Variants in IQCM observed in about 807,000 individuals in gnomAD.
IQCM encodes IQ motif containing M.
Under a neutral mutation model 57.6 loss-of-function variants are expected in IQCM, and 45 were observed. That is an observed-to-expected ratio of 0.78 (90% CI 0.62 to 1.00). The LOEUF is 1.00. Ranked by LOEUF, IQCM falls within the 50% of genes least tolerant of loss-of-function variation. IQCM has a pLI of 0.00. For synonymous variants in IQCM, 148 were observed against 158.9 expected, an observed-to-expected ratio of 0.93 and a Z score of 0.51; for missense variants, 468 against 511.6, an observed-to-expected ratio of 0.91 and a Z score of 0.82.
chr4:149,490,088 G>A (rs995046122), intron 12 of IQCM, among the ~76,000 whole-genome samples: 1 of 151,880 alleles, frequency 6.6e-6, no homozygotes, highest in African/African-American at 2.4e-5. Context: ...CATAAAGTGT[G>A]AAACATTACT....
intron 5 of IQCM, among the ~76,000 whole-genome samples, chr4:149,701,486 T>C (rs1267693561): frequency 1.3e-5 from 2 of 151,910 alleles, no homozygotes; most frequent in East Asian, 1.9e-4. Flanking sequence ...AGAATAAAGG[T>C]TGTTTTTATT....
At chr4:149,795,265 G>A (rs1057287498) in intron 2 of IQCM, among the ~76,000 whole-genome samples, 7 of 152,160 alleles carry the variant, frequency 4.6e-5, no homozygotes, top group Non-Finnish European at 1.0e-4. Flanking sequence ...TTGCTGTGGA[G>A]AGCACTTCTG....
intron 12 of IQCM, among the ~76,000 whole-genome samples, chr4:149,483,569 G>T (rs1389259898): frequency 1.3e-5 from 2 of 151,814 alleles, no homozygotes; most frequent in Non-Finnish European, 2.9e-5. Flanking sequence ...CCATGTGTTT[G>T]TATAGTTTCC....
At chr4:149,791,282 T>G (rs899493228) in intron 2 of IQCM, among the ~76,000 whole-genome samples, 2 of 152,128 alleles carry the variant, frequency 1.3e-5, no homozygotes, top group Non-Finnish European at 2.9e-5. Context: ...AACTAGAAAC[T>G]TAAAAAATTA....
chr4:149,454,425 CATGG>C (rs1215894305), intron 12 of IQCM, among the ~76,000 whole-genome samples: 1 of 151,618 alleles, frequency 6.6e-6, no homozygotes, highest in Non-Finnish European at 1.5e-5. Context: ...ATTGAGTACA[CATGG>C]ACACAAAGAA....
chr4:149,367,960 T>C (rs1294979501), intron 13 of IQCM, among the ~76,000 whole-genome samples: 1 of 152,034 alleles, frequency 6.6e-6, no homozygotes, highest in Non-Finnish European at 1.5e-5. Context: ...TTCCTCAATA[T>C]CTTTTACCTA....
At chr4:149,670,862 T>C (rs1235551836) in intron 7 of IQCM, among the ~76,000 whole-genome samples, 2 of 152,144 alleles carry the variant, frequency 1.3e-5, no homozygotes, top group Non-Finnish European at 2.9e-5. Context: ...TTTGATGTGC[T>C]GCTGGATTCG....
intron 13 of IQCM, among the ~76,000 whole-genome samples, chr4:149,418,179 T>A (rs113505652): frequency 2.7e-5 from 4 of 147,466 alleles, no homozygotes; most frequent in East Asian, 2.0e-4. Flanking sequence ...GTTTTTTTTT[T>A]AATTAATAAA....
At chr4:149,441,612 G>A (rs1277584259) in intron 12 of IQCM, among the ~76,000 whole-genome samples, 1 of 152,078 alleles carries the variant, frequency 6.6e-6, no homozygotes, top group Non-Finnish European at 1.5e-5. Flanking sequence ...GAGTCCAGAA[G>A]CCTTCTTTCC....
intron 12 of IQCM, among the ~76,000 whole-genome samples, chr4:149,536,933 G>A (rs149672117): frequency 6.6e-5 from 10 of 152,054 alleles, no homozygotes; most frequent in African/African-American, 1.4e-4. Flanking sequence ...AAAAGTTGTC[G>A]ACACCACTGC....
chr4:149,496,355 C>G (rs1312659648), intron 12 of IQCM, among the ~76,000 whole-genome samples: 1 of 152,028 alleles, frequency 6.6e-6, no homozygotes, highest in Non-Finnish European at 1.5e-5. Flanking sequence ...AACACATTAC[C>G]TTACATGGAA....
At chr4:149,648,934 A>C (rs1478277908) in intron 7 of IQCM, among the ~76,000 whole-genome samples, 1 of 152,190 alleles carries the variant, frequency 6.6e-6, no homozygotes, top group East Asian at 1.9e-4. Context: ...AATTAAAAAA[A>C]GAAAAAATAA....
chr4:149,639,810 T>C (rs1231769419), intron 7 of IQCM, among the ~76,000 whole-genome samples: 4 of 152,064 alleles, frequency 2.6e-5, no homozygotes, highest in Non-Finnish European at 5.9e-5. Context: ...GCATCTGTAG[T>C]CCCAGCTACT....
At chr4:149,425,626 A>G (rs1316947084) in intron 13 of IQCM, among the ~76,000 whole-genome samples, 1 of 151,960 alleles carries the variant, frequency 6.6e-6, no homozygotes, top group Non-Finnish European at 1.5e-5. Flanking sequence ...GATGATGACC[A>G]CCTGCCTCAA....
intron 12 of IQCM, among the ~76,000 whole-genome samples, chr4:149,542,059 C>G (rs569494876): frequency 4.1e-4 from 63 of 152,044 alleles, no homozygotes; most frequent in African/African-American, 1.5e-3. Context: ...CTTTTTGTAT[C>G]AATTTTCTGT....
At chr4:149,465,434 G>GA (rs1385915934) in intron 12 of IQCM, among the ~76,000 whole-genome samples, 1 of 152,008 alleles carries the variant, frequency 6.6e-6, no homozygotes, top group Non-Finnish European at 1.5e-5. Context: ...GATGAGTACC[G>GA]AAAAAAGGCT....
rs555192065 is a variant in IQCM at position 149,415,609 on chromosome 4, C to A, written c.1390+17787G>T. ...TATTTTTCTAAATTTTTCCACCTAA[C>A]AGCAATGTTCACCCTACATCTAATC... On this transcript the variant is annotated intron_variant, in intron 13 of 13. Coordinates refer to ENST00000636793, the MANE Select transcript of IQCM (RefSeq NM_001363507.2). Among the ~76,000 whole-genome samples the A allele has an allele frequency of 9.2e-5, 14 of 152,110 alleles. No individual in the cohort carries two copies. In the East Asian group the frequency reaches 2.7e-3, roughly 30 times the overall value.
intron 2 of IQCM, among the ~76,000 whole-genome samples, chr4:149,765,147 T>C (rs1193333040): frequency 6.6e-6 from 1 of 152,092 alleles, no homozygotes; most frequent in Non-Finnish European, 1.5e-5. Context: ...TGTGACACAT[T>C]TAGCTACACT....
intron 12 of IQCM, among the ~76,000 whole-genome samples, chr4:149,483,597 T>C (rs1741145122): frequency 6.6e-6 from 1 of 152,026 alleles, no homozygotes. Context: ...CTCTAGTTAT[T>C]GATATCTAGT....
Sources: gnomAD v4.1 joint callset for allele counts (sites outside exome capture counted in the v4.1 genomes callset) on GRCh38, gnomAD v4.1.1 for gene constraint, MANE v1.5 for transcripts, NCBI Gene and HGNC (gene_info 2026-07-23, HGNC 2026-07-21) for gene names.